Variants in MYO9B observed in about 807,000 individuals in gnomAD.
MYO9B encodes the protein myosin IXB, also known as unconventional myosin-IXb.
In MYO9B, 71 loss-of-function variants were observed where a neutral mutation model predicts 229.5. That is an observed-to-expected ratio of 0.31 (90% CI 0.26 to 0.38). MYO9B has a LOEUF of 0.38. Among genes scored for constraint, MYO9B ranks in the 10% least tolerant of loss-of-function variants. The probability of loss-of-function intolerance (pLI) is 1.00; values close to 1 mark genes in which losing one functional copy is unlikely to be tolerated. For missense variants in MYO9B, 2,255 were observed against 2,920.5 expected, an observed-to-expected ratio of 0.77 and a Z score of 5.25; for synonymous variants, 1,185 against 1,235.8, an observed-to-expected ratio of 0.96 and a Z score of 0.86.
At chr19:17,209,775 C>T in intron 36 of MYO9B, 66 bp downstream of exon 36, 1 of 1,444,822 alleles carries the variant, frequency 6.9e-7, no homozygotes, top group African/African-American at 1.4e-5. Context: ...TGGGCAGGGC[C>T]TTGGGCGTGG....
rs1285757991 is a variant in MYO9B at position 17,192,877 on chromosome 19, GGCC to G, written c.2948_2950del (p.Ala983del). On this transcript the variant is annotated inframe_deletion, in exon 21 of 40. Coordinates refer to ENST00000682292, the MANE Select transcript of MYO9B (RefSeq NM_004145.4). ...GTCGGCACTTCCTGCAGATGAAGCGGGCCGCCGTCACCATCCAGGCCTGCTGGC... is the reference window on the plus strand; with the variant it reads ...GTCGGCACTTCCTGCAGATGAAGCGGGCCGTCACCATCCAGGCCTGCTGGC... The G allele has an allele frequency of 2.6e-6, 4 of 1,550,500 alleles. No individual in the cohort carries two copies. Among genetic ancestry groups the G allele is most frequent in the Non-Finnish European group, 2.6e-6 (3 of 1,147,158 alleles).
Sources: allele counts gnomAD v4.1 joint callset, GRCh38; gene constraint gnomAD v4.1.1; transcripts MANE v1.5; gene names NCBI Gene and HGNC (gene_info 2026-07-23, HGNC 2026-07-21).